KIAA1549L: variants seen among roughly 807,000 people sequenced by gnomAD.
The protein encoded by KIAA1549L is KIAA1549 like, also known as UPF0606 protein KIAA1549L.
KIAA1549L carries 88 observed loss-of-function variants against 160.7 expected under a neutral mutation model. That is an observed-to-expected ratio of 0.55 (90% confidence interval 0.46 to 0.65). The LOEUF is 0.65. KIAA1549L is among the 30% of genes least tolerant of loss of function. The pLI is 0.00. For synonymous variants in KIAA1549L, 950 were observed against 976.7 expected, an observed-to-expected ratio of 0.97 and a Z score of 0.51; for missense variants, 2,258 against 2,437.5, an observed-to-expected ratio of 0.93 and a Z score of 1.55.
chr11:33,533,052 A>G (rs1358381308), intron 1 of KIAA1549L, among the ~76,000 whole-genome samples: 1 of 152,230 alleles, frequency 6.6e-6, no homozygotes, highest in Non-Finnish European at 1.5e-5. Context: ...GGGGTCTGTG[A>G]TAAAAGCATC....
chr11:33,658,695 G>A (rs1852152256), intron 18 of KIAA1549L, 55 bp from the exon 19 acceptor site: 2 of 1,542,688 alleles, frequency 1.3e-6, no homozygotes, highest in African/African-American at 1.4e-5. Flanking sequence ...CCTCCTGCTC[G>A]GGACGCCGCC....
intron 17 of KIAA1549L, among the ~76,000 whole-genome samples, chr11:33,655,208 G>A (rs867099719): frequency 6.6e-6 from 1 of 152,114 alleles, no homozygotes; most frequent in South Asian, 2.1e-4. Context: ...TCTGGTGACA[G>A]TTCTAGTCTT....
intron 15 of KIAA1549L, 56 bp downstream of exon 15, chr11:33,610,022 A>T (rs1474114827): frequency 7.3e-7 from 1 of 1,375,960 alleles, no homozygotes; most frequent in African/African-American, 1.4e-5. Context: ...GGATAAGGGC[A>T]GGCCTTGGGC....
chr11:33,658,418 C>A (rs1261545113), intron 18 of KIAA1549L, among the ~76,000 whole-genome samples: 1 of 152,152 alleles, frequency 6.6e-6, no homozygotes, highest in East Asian at 1.9e-4. Flanking sequence ...CCAGCTAATA[C>A]CCAAGGCTAA....
At position 33,568,237 on chromosome 11, in the gene KIAA1549L, TAC is replaced by T. The variant is rs1855119957; in HGVS notation, c.4230+12_4230+13del. 1 of 1,601,966 alleles carries T rather than the reference TAC, an allele frequency of 6.2e-7. No homozygotes were observed. Among genetic ancestry groups the T allele is most frequent in the African/African-American group, 1.3e-5 (1 of 74,452 alleles). Reference sequence around the variant, plus strand: ...AAGCTACACTGTGCAGGTAGGTGTATACAGAGCCACTGGGGTTTTCTAATAAC... The same window carrying T: ...AAGCTACACTGTGCAGGTAGGTGTATAGAGCCACTGGGGTTTTCTAATAAC... On this transcript the variant is annotated intron_variant, in intron 9 of 20. Transcript: ENST00000658780.
chr11:33,596,729 A>T (rs1215545530), intron 12 of KIAA1549L, among the ~76,000 whole-genome samples: 2 of 152,116 alleles, frequency 1.3e-5, no homozygotes, highest in Admixed American at 6.5e-5. Flanking sequence ...ACAGATCAAG[A>T]CTCTCAAAAA....
intron 17 of KIAA1549L, among the ~76,000 whole-genome samples, chr11:33,648,257 A>G (rs190219524): frequency 3.2e-4 from 49 of 152,176 alleles, no homozygotes; most frequent in Non-Finnish European, 5.4e-4. Flanking sequence ...CGGCCTCCCA[A>G]AGTGCTGGGA....
chr11:33,662,063 T>C (rs2133449604), intron 20 of KIAA1549L, among the ~76,000 whole-genome samples: 1 of 152,284 alleles, frequency 6.6e-6, no homozygotes, highest in South Asian at 2.1e-4. Flanking sequence ...GAGTATACAA[T>C]GTAATTTGCC....
At position 33,522,900 on chromosome 11, in the gene KIAA1549L, C is replaced by CAAA. The variant is rs56199693; in HGVS notation, c.239-18891_239-18889dup. Among the ~76,000 whole-genome samples the CAAA allele has an allele frequency of 4.1e-5, 6 of 147,274 alleles. No individual in the cohort carries two copies. The East Asian group carries it at 6.0e-4, about 15-fold the overall frequency. Reference sequence around the variant, plus strand: ...GGTGACAAAGTGAGATTCTCTCTCTCAAAAAAAAAAAAATATGGTCTTTAC... The same window carrying CAAA: ...GGTGACAAAGTGAGATTCTCTCTCTCAAAAAAAAAAAAAAAATATGGTCTTTAC... On this transcript the variant is annotated intron_variant, in intron 1 of 20. Transcript: ENST00000658780.
At chr11:33,397,679 T>G (rs1850407491) in intron 1 of KIAA1549L, among the ~76,000 whole-genome samples, 1 of 149,224 alleles carries the variant, frequency 6.7e-6, no homozygotes, top group Non-Finnish European at 1.5e-5. Flanking sequence ...GCCACTGCAC[T>G]CCAGCCTGGG....
Position 33,544,277 on chromosome 11 carries a change from T to G in KIAA1549L, c.2714T>G (p.Val905Gly). 2 of 1,614,016 alleles carry G rather than the reference T, an allele frequency of 1.2e-6. No individual in the cohort carries two copies. Among genetic ancestry groups the G allele is most frequent in the Non-Finnish European group, 1.7e-6 (2 of 1,179,892 alleles). Reference sequence around the variant, plus strand: ...GCTGAATCTTCTATATCGACCAGTGTCTTTCCCAGGACCTCCTCCAGAGTG... The same window carrying G: ...GCTGAATCTTCTATATCGACCAGTGGCTTTCCCAGGACCTCCTCCAGAGTG... ...SAAESSISTS[V>G]FPRTSSRVLR... Residue 905 changes from valine to glycine, a missense_variant, in exon 2 of 21, where the codon GTC (valine) becomes GGC (glycine). By Grantham distance (109) the Val-to-Gly change is moderately radical (BLOSUM62 -3). This residue lies in a region of KIAA1549L where 287 missense variants were observed against 292.3 expected (regional missense o/e 0.98). Coordinates refer to ENST00000658780, the MANE Select transcript of KIAA1549L (RefSeq NM_012194.3).
intron 1 of KIAA1549L, among the ~76,000 whole-genome samples, chr11:33,463,728 T>C (rs1851987521): frequency 6.6e-6 from 1 of 152,256 alleles, no homozygotes; most frequent in Non-Finnish European, 1.5e-5. Context: ...ATGTCTTTCC[T>C]ACATGCTTTA....
intron 1 of KIAA1549L, among the ~76,000 whole-genome samples, chr11:33,537,221 G>C (rs368164016): frequency 2.0e-5 from 3 of 152,312 alleles, no homozygotes; most frequent in African/African-American, 4.8e-5. Flanking sequence ...TTTGGATCTT[G>C]ATAGTCACTT....
At chr11:33,390,980 G>A (rs1490508541) in intron 1 of KIAA1549L, among the ~76,000 whole-genome samples, 3 of 152,204 alleles carry the variant, frequency 2.0e-5, no homozygotes, top group African/African-American at 4.8e-5. Context: ...GGTGCACGAT[G>A]TCTCCAAGGA....
chr11:33,612,847 A>G (rs1159921081), intron 15 of KIAA1549L, among the ~76,000 whole-genome samples: 3 of 152,228 alleles, frequency 2.0e-5, no homozygotes, highest in African/African-American at 4.8e-5. Context: ...AAGTGAGAAC[A>G]TATGGTATTT....
At chr11:33,408,489 G>A (rs1261366413) in intron 1 of KIAA1549L, among the ~76,000 whole-genome samples, 1 of 123,072 alleles carries the variant, frequency 8.1e-6, no homozygotes, top group Non-Finnish European at 1.7e-5. Context: ...CTGTATATGT[G>A]TATATATATA....
At chr11:33,562,596 TG>T (rs1186250426) in intron 8 of KIAA1549L, among the ~76,000 whole-genome samples, 1 of 152,172 alleles carries the variant, frequency 6.6e-6, no homozygotes, top group Non-Finnish European at 1.5e-5. Context: ...TGGGTCTGTC[TG>T]TATCCTAATC....
At chr11:33,434,942 A>T (rs1851324550) in intron 1 of KIAA1549L, among the ~76,000 whole-genome samples, 1 of 152,246 alleles carries the variant, frequency 6.6e-6, no homozygotes, top group African/African-American at 2.4e-5. Flanking sequence ...TTATAGGTAT[A>T]AAGCAGCTTG....
chr11:33,600,871 T>A (rs1850340680), intron 13 of KIAA1549L, among the ~76,000 whole-genome samples: 2 of 152,178 alleles, frequency 1.3e-5, no homozygotes, highest in South Asian at 4.1e-4. Context: ...CAAAGTGATG[T>A]CTTTTCCCCT....
Sources: gnomAD v4.1 joint callset for allele counts (sites outside exome capture counted in the v4.1 genomes callset) on GRCh38, gnomAD v4.1.1 for gene constraint, gnomAD v4.1.1 regional missense constraint, MANE v1.5 for transcripts, NCBI Gene and HGNC (gene_info 2026-07-23, HGNC 2026-07-21) for gene names.